UNC13C: variants seen among roughly 807,000 people sequenced by gnomAD.
The protein encoded by UNC13C is protein unc-13 homolog C.
Under a neutral mutation model 245.4 loss-of-function variants are expected in UNC13C, and 174 were observed. The observed-to-expected ratio is 0.71, with a 90% CI of 0.63 to 0.80. The LOEUF (loss-of-function observed/expected upper bound fraction) is 0.80, where lower values mean the gene tolerates loss of function less well. UNC13C is among the 30% of genes least tolerant of loss of function. UNC13C has a pLI of 0.00. For missense variants in UNC13C, 2,829 were observed against 2,602.9 expected (o/e 1.09, Z -1.89); for synonymous variants, 992 against 895.1 (o/e 1.11, Z -1.93).
intron 2 of UNC13C, among the ~76,000 whole-genome samples, chr15:54,053,688 G>A (rs1302705919): frequency 1.3e-5 from 2 of 152,090 alleles, no homozygotes; most frequent in Admixed American, 1.3e-4. Flanking sequence ...ATAAGTTAGT[G>A]TTGACTGTAG....
the UNC13C span, among the ~76,000 whole-genome samples, chr15:53,961,344 G>T: frequency 1.2e-4 from 18 of 152,250 alleles, no homozygotes; most frequent in African/African-American, 3.9e-4. Flanking sequence ...CTCTCAGGAA[G>T]TTACTTTGTT....
intron 28 of UNC13C, among the ~76,000 whole-genome samples, chr15:54,550,329 G>A (rs140395902): frequency 1.1e-4 from 16 of 152,158 alleles, no homozygotes; most frequent in African/African-American, 3.9e-4. Flanking sequence ...ATCTTCAGAT[G>A]TGGCTCTTGT....
intron 19 of UNC13C, among the ~76,000 whole-genome samples, chr15:54,467,487 A>G (rs964176876): frequency 6.6e-6 from 1 of 151,604 alleles, no homozygotes; most frequent in African/African-American, 2.4e-5. Flanking sequence ...GGGAACATTT[A>G]AATTCCTCTC....
chr15:54,066,236 A>C (rs1566987249), intron 2 of UNC13C, among the ~76,000 whole-genome samples: 1 of 152,198 alleles, frequency 6.6e-6, no homozygotes, highest in Non-Finnish European at 1.5e-5. Flanking sequence ...GATGATAGCT[A>C]ATGCTTTTCC....
chr15:54,058,765 G>C (rs1348564576), intron 2 of UNC13C, among the ~76,000 whole-genome samples: 1 of 152,154 alleles, frequency 6.6e-6, no homozygotes, highest in Non-Finnish European at 1.5e-5. Flanking sequence ...TATCCACCAT[G>C]ATCATGTGGG....
intron 4 of UNC13C, among the ~76,000 whole-genome samples, chr15:54,166,907 C>G (rs937372638): frequency 6.6e-6 from 1 of 152,102 alleles, no homozygotes; most frequent in Non-Finnish European, 1.5e-5. Flanking sequence ...TCAGTTTTCT[C>G]CCATCTAATC....
At chr15:54,054,763 T>C (rs1897429881) in intron 2 of UNC13C, among the ~76,000 whole-genome samples, 1 of 152,188 alleles carries the variant, frequency 6.6e-6, no homozygotes. Context: ...GCCAAGTAAA[T>C]GAGAGCCCAA....
At chr15:54,268,763 A>ACT in intron 10 of UNC13C, among the ~76,000 whole-genome samples, 2 of 152,110 alleles carry the variant, frequency 1.3e-5, no homozygotes, top group South Asian at 4.1e-4. Context: ...AGTAGAAATT[A>ACT]GTATGATTTC....
chr15:54,540,550 T>C (rs993829135), intron 26 of UNC13C, among the ~76,000 whole-genome samples: 1 of 152,100 alleles, frequency 6.6e-6, no homozygotes, highest in African/African-American at 2.4e-5. Context: ...TTATTTAAAA[T>C]AAACAATAGA....
At chr15:53,972,248 TC>T in the UNC13C span, among the ~76,000 whole-genome samples, 1 of 152,330 alleles carries the variant, frequency 6.6e-6, no homozygotes, top group Middle Eastern at 3.4e-3. Flanking sequence ...TATAAGAGCT[TC>T]TTTTTCCCTG....
At chr15:54,047,060 G>A (rs1371003869) in intron 2 of UNC13C, among the ~76,000 whole-genome samples, 1 of 151,932 alleles carries the variant, frequency 6.6e-6, no homozygotes, top group Non-Finnish European at 1.5e-5. Context: ...GATTTTCTAA[G>A]CGGTATTTAT....
chr15:54,290,248 G>A (rs568279809), intron 10 of UNC13C, among the ~76,000 whole-genome samples: 11 of 151,988 alleles, frequency 7.2e-5, no homozygotes, highest in East Asian at 5.8e-4. Context: ...CAGTCTTTAC[G>A]GGGAAAAAGT....
chr15:54,041,599 C>T (rs982649047), intron 2 of UNC13C, among the ~76,000 whole-genome samples: 7 of 152,234 alleles, frequency 4.6e-5, no homozygotes, highest in East Asian at 3.9e-4. Context: ...GAGCATGATT[C>T]GGAGATAATT....
At chr15:54,323,653 A>G (rs2038224828) in intron 14 of UNC13C, among the ~76,000 whole-genome samples, 1 of 152,028 alleles carries the variant, frequency 6.6e-6, no homozygotes, top group Non-Finnish European at 1.5e-5. Flanking sequence ...ACTCTTGCAG[A>G]AGCTGGAACC....
rs189638863 is a variant in UNC13C, at chr15:54,112,610, C to T, written c.2984-30408C>T. On this transcript the variant is annotated intron_variant, in intron 2 of 32. Transcript: ENST00000260323. ...AGTCTTTTACTATTGTCACATCTGC[C>T]GACATTCACTCGTGCAAGCTTCCAG... Among the ~76,000 whole-genome samples, 6 of 152,156 alleles carry T rather than the reference C, an allele frequency of 3.9e-5. No homozygotes were observed. In the East Asian group the frequency reaches 9.7e-4, roughly 24 times the overall value.
chr15:54,031,277 G>T (rs768204178), intron 2 of UNC13C, among the ~76,000 whole-genome samples: 7 of 152,206 alleles, frequency 4.6e-5, no homozygotes, highest in African/African-American at 9.6e-5. Context: ...AGGCTGGAGT[G>T]CAGTGGCACG....
intron 17 of UNC13C, among the ~76,000 whole-genome samples, chr15:54,375,358 G>A (rs773729261): frequency 2.0e-5 from 3 of 152,114 alleles, no homozygotes; most frequent in African/African-American, 2.4e-5. Flanking sequence ...GTAGTGGTTG[G>A]CACTAAATTC....
At chr15:54,485,456 A>C (rs1360709282) in intron 19 of UNC13C, among the ~76,000 whole-genome samples, 1 of 152,174 alleles carries the variant, frequency 6.6e-6, no homozygotes, top group African/African-American at 2.4e-5. Context: ...TACCACAATC[A>C]TCACTGCTAC....
the UNC13C span, among the ~76,000 whole-genome samples, chr15:53,922,626 T>G: frequency 6.6e-6 from 1 of 152,240 alleles, no homozygotes; most frequent in Non-Finnish European, 1.5e-5. Flanking sequence ...AACCCTCTTG[T>G]GTTTTATTAA....
Sources: allele counts gnomAD v4.1 joint callset (sites outside exome capture counted in the v4.1 genomes callset), GRCh38; gene constraint gnomAD v4.1.1; transcripts MANE v1.5; gene names NCBI Gene and HGNC (gene_info 2026-07-23, HGNC 2026-07-21).